The following DCBLD2 variants were observed in gnomAD, a reference collection of about 807,000 sequenced individuals.
The protein encoded by DCBLD2 is discoidin, CUB and LCCL domain containing 2.
DCBLD2 carries 54 observed loss-of-function variants against 86.8 expected under a neutral mutation model. That is an observed-to-expected ratio of 0.62 (90% CI 0.50 to 0.78). DCBLD2 has a LOEUF of 0.78. DCBLD2 is among the 30% of genes least tolerant of loss of function. DCBLD2 has a pLI of 0.00. For missense variants in DCBLD2, 908 were observed against 954.2 expected, an observed-to-expected ratio of 0.95 and a Z score of 0.64; for synonymous variants, 354 against 341.3, an observed-to-expected ratio of 1.04 and a Z score of -0.41.
At chr3:98,801,805 G>A (rs951339650) in intron 13 of DCBLD2, 156 bp from the exon 14 acceptor site, 36 of 533,070 alleles carry the variant, frequency 6.8e-5, no homozygotes, top group Non-Finnish European at 1.2e-4. Flanking sequence ...AACATGCGGT[G>A]TTTGGTTTTT....
intron 2 of DCBLD2, among the ~76,000 whole-genome samples, chr3:98,865,787 G>A (rs1943131918): frequency 6.6e-6 from 1 of 152,036 alleles, no homozygotes; most frequent in African/African-American, 2.4e-5. Context: ...GTATACATGT[G>A]ACACGCTGGT....
chr3:98,836,619 AG>A (rs1942457281), intron 3 of DCBLD2, among the ~76,000 whole-genome samples: 1 of 122,284 alleles, frequency 8.2e-6, no homozygotes, highest in African/African-American at 3.0e-5. Flanking sequence ...CACACCTCCC[AG>A]ACGGGGCGGC....
intron 3 of DCBLD2, among the ~76,000 whole-genome samples, chr3:98,838,791 T>C (rs1942541023): frequency 6.6e-6 from 1 of 152,070 alleles, no homozygotes; most frequent in Non-Finnish European, 1.5e-5. Context: ...CCGTCTGCAA[T>C]CCCGGCACCT....
chr3:98,887,485 A>T (rs761370403), intron 1 of DCBLD2, among the ~76,000 whole-genome samples: 2 of 151,720 alleles, frequency 1.3e-5, no homozygotes, highest in Non-Finnish European at 2.9e-5. Flanking sequence ...TTCAAATACT[A>T]CTCTAATTTC....
chr3:98,809,569 ACTCCCTACTTTCT>A (rs1444464514), intron 12 of DCBLD2, among the ~76,000 whole-genome samples: 1 of 151,864 alleles, frequency 6.6e-6, no homozygotes, highest in Admixed American at 6.6e-5. Flanking sequence ...CTGGAAGGAA[ACTCCCTACTTTCT>A]CTGTGAAGTT....
intron 13 of DCBLD2, among the ~76,000 whole-genome samples, chr3:98,804,524 G>T (rs1941793763): frequency 6.6e-6 from 1 of 152,016 alleles, no homozygotes; most frequent in African/African-American, 2.4e-5. Flanking sequence ...TTTTTTGAAG[G>T]GTTTTTTGTC....
intron 2 of DCBLD2, among the ~76,000 whole-genome samples, chr3:98,866,554 GTTGT>G (rs1404420958): frequency 6.6e-6 from 1 of 152,046 alleles, no homozygotes; most frequent in African/African-American, 2.4e-5. Flanking sequence ...TGTTGATGGG[GTTGT>G]TTTTTTCTTG....
rs760385201 is a variant in DCBLD2, at chr3:98,870,810, A to AAAGAAAGAAAGAAAGAAAGG, written c.433+10729_433+10730insCCTTTCTTTCTTTCTTTCTT. On this transcript the variant is annotated intron_variant, in intron 2 of 15. Coordinates refer to ENST00000326840, the MANE Select transcript of DCBLD2 (RefSeq NM_080927.4). ...GAAAGAAAGAAAGAAAGAAAGAAAGAAAGGTAGGCAGGCATTGGTGGTATT... is the reference window on the plus strand; with the variant it reads ...GAAAGAAAGAAAGAAAGAAAGAAAGAAAGAAAGAAAGAAAGAAAGGAAGGTAGGCAGGCATTGGTGGTATT... Among the ~76,000 whole-genome samples, 381 of 131,640 alleles carry AAAGAAAGAAAGAAAGAAAGG rather than the reference A, an allele frequency of 2.9e-3. 1 individual carries two copies. The highest frequency in any genetic ancestry group is 7.9e-3 in the African/African-American group (274 of 34,748). 86.4% of individuals were successfully genotyped at this position (131,640 alleles called of 152,430 possible).
chr3:98,891,868 G>A (rs890874503), intron 1 of DCBLD2, among the ~76,000 whole-genome samples: 13 of 152,032 alleles, frequency 8.6e-5, no homozygotes, highest in African/African-American at 3.1e-4. Context: ...GAAGCTCCTG[G>A]TGTTTCTCCC....
chr3:98,836,831 C>T (rs1255902819), intron 3 of DCBLD2, among the ~76,000 whole-genome samples: 7 of 64,240 alleles, frequency 1.1e-4, no homozygotes, highest in African/African-American at 3.8e-4. Flanking sequence ...GGCCGACCCC[C>T]CCACCTCCCT....
At chr3:98,808,952 G>A (rs775826451) in intron 12 of DCBLD2, among the ~76,000 whole-genome samples, 3 of 152,036 alleles carry the variant, frequency 2.0e-5, no homozygotes, top group Non-Finnish European at 4.4e-5. Context: ...AATAAATCAT[G>A]GTATCCTCCT....
chr3:98,898,012 T>C (rs1162170781), intron 1 of DCBLD2, among the ~76,000 whole-genome samples: 3 of 152,098 alleles, frequency 2.0e-5, no homozygotes, highest in Non-Finnish European at 4.4e-5. Context: ...TTAATTTTTT[T>C]GAGAGGTACA....
rs1559765768 is a variant in DCBLD2 at position 98,799,536 on chromosome 3, T to C, written c.2164A>G (p.Thr722Ala). 6.2e-7 allele frequency: 1 copy of C among 1,613,986 alleles called. No individual in the cohort carries two copies. ...VGTYNTLLSR[T>A]DSCSSAQAQY... ...GCCTGGGCTGAGGAGCAGCTGTCAG[T>C]CCTGGAGAGAAGTGTATTGTAAGTT... Residue 722 changes from threonine (T) to alanine (A), a missense_variant, in exon 16 of 16, where the codon ACT becomes GCT. Thr to Ala is a moderately conservative substitution (Grantham distance 58, BLOSUM62 0). Transcript: ENST00000326840.
intron 1 of DCBLD2, among the ~76,000 whole-genome samples, chr3:98,888,226 T>A (rs960196892): frequency 6.6e-6 from 1 of 152,012 alleles, no homozygotes. Flanking sequence ...AGAGGGTCAA[T>A]GTGACCATTT....
chr3:98,871,763 TG>T (rs2107513142), intron 2 of DCBLD2, among the ~76,000 whole-genome samples: 1 of 152,292 alleles, frequency 6.6e-6, no homozygotes, highest in South Asian at 2.1e-4. Flanking sequence ...TTCCTGGCTT[TG>T]GTATTAGGGT....
chr3:98,878,113 T>C (rs1943401305), intron 2 of DCBLD2, among the ~76,000 whole-genome samples: 1 of 152,164 alleles, frequency 6.6e-6, no homozygotes, highest in Non-Finnish European at 1.5e-5. Flanking sequence ...CTAGTGGGTA[T>C]AAGTTTGATG....
At chr3:98,889,705 A>G (rs1943625382) in intron 1 of DCBLD2, among the ~76,000 whole-genome samples, 1 of 152,080 alleles carries the variant, frequency 6.6e-6, no homozygotes, top group East Asian at 1.9e-4. Flanking sequence ...CATTGCCTAT[A>G]AACACCTAGC....
intron 13 of DCBLD2, among the ~76,000 whole-genome samples, chr3:98,807,708 T>TAATTCTCATGGTTCATAAC (rs1462875113): frequency 1.3e-5 from 2 of 152,186 alleles, no homozygotes; most frequent in African/African-American, 4.8e-5. Flanking sequence ...AAACTTCAGT[T>TAATTCTCATGGTTCATAAC]AATTCTCATG....
At chr3:98,806,269 T>C (rs1941836933) in intron 13 of DCBLD2, among the ~76,000 whole-genome samples, 2 of 152,114 alleles carry the variant, frequency 1.3e-5, no homozygotes, top group South Asian at 4.1e-4. Context: ...AATTTTTAAA[T>C]CACTAAAATA....
Sources: gnomAD v4.1 joint callset for allele counts (sites outside exome capture counted in the v4.1 genomes callset) on GRCh38, gnomAD v4.1.1 for gene constraint, MANE v1.5 for transcripts, NCBI Gene and HGNC (gene_info 2026-07-23, HGNC 2026-07-21) for gene names.